SIM2: variants seen among roughly 807,000 people sequenced by gnomAD.
SIM2 encodes SIM bHLH transcription factor 2, also known as single-minded homolog 2.
A neutral mutation model predicts 64.8 loss-of-function variants in SIM2; 28 were observed. The ratio of observed to expected loss-of-function variants is 0.43; its 90% CI spans 0.32 to 0.59. The LOEUF (loss-of-function observed/expected upper bound fraction) is 0.59, where lower values mean the gene tolerates loss of function less well. Ranked by LOEUF, SIM2 falls within the 20% of genes least tolerant of loss-of-function variation. SIM2 has a pLI of 0.07. For synonymous variants in SIM2, 408 were observed against 391.1 expected, an observed-to-expected ratio of 1.04 and a Z score of -0.51; for missense variants, 847 against 871.4, an observed-to-expected ratio of 0.97 and a Z score of 0.35.
At chr21:36,741,259 C>G (rs1449533699) in intron 7 of SIM2, among the ~76,000 whole-genome samples, 1 of 152,268 alleles carries the variant, frequency 6.6e-6, no homozygotes, top group Non-Finnish European at 1.5e-5. Flanking sequence ...CAGCAAACAT[C>G]AGCAACAGCT....
chr21:36,722,815 G>A (rs766134525), intron 4 of SIM2, among the ~76,000 whole-genome samples: 7 of 152,134 alleles, frequency 4.6e-5, no homozygotes, highest in Non-Finnish European at 7.4e-5. Flanking sequence ...GGGTGGCCTC[G>A]TTTGGCTGCC....
At chr21:36,700,312 CTTTCTCTT>C (rs1234240920) in intron 1 of SIM2, among the ~76,000 whole-genome samples, 2 of 148,236 alleles carry the variant, frequency 1.3e-5, no homozygotes, top group African/African-American at 5.2e-5. Flanking sequence ...TTCTTTCTTT[CTTTCTCTT>C]TCTTTTTCTT....
chr21:36,748,986 T>C lies in SIM2; in HGVS notation c.*894T>C, dbSNP rs749779346. On this transcript the variant is annotated 3_prime_UTR_variant, in exon 11 of 11. Coordinates refer to ENST00000290399, the MANE Select transcript of SIM2 (RefSeq NM_005069.6). ...AGTGCTAATAAAGTTAAATTGCACG[T>C]GCAATACGGAACACTGTCAATGGAC... The C allele has an allele frequency of 5.9e-5, 9 of 152,642 alleles. No homozygotes were observed. The highest frequency in any genetic ancestry group is 7.3e-5 in the Non-Finnish European group (5 of 68,056). 9.5% of individuals were successfully genotyped at this position (152,642 alleles called of 1,614,324 possible). A position where few individuals can be genotyped will look rare whatever the true frequency, so the allele number is the denominator to read the frequency against.
chr21:36,704,629 G>A (rs1371445743), intron 1 of SIM2, among the ~76,000 whole-genome samples: 2 of 152,196 alleles, frequency 1.3e-5, no homozygotes, highest in South Asian at 2.1e-4. Context: ...GAGCCTCCGG[G>A]CGGCTGTGGG....
At chr21:36,740,171 T>C (rs1360419326) in intron 7 of SIM2, among the ~76,000 whole-genome samples, 1 of 151,992 alleles carries the variant, frequency 6.6e-6, no homozygotes, top group African/African-American at 2.4e-5. Context: ...TTTAGTTATA[T>C]TCACAGTGTT....
intron 7 of SIM2, 116 bp from the exon 8 acceptor site, chr21:36,741,601 G>GC (rs2089159243): frequency 3.3e-6 from 4 of 1,205,070 alleles, no homozygotes; most frequent in Non-Finnish European, 4.7e-6. Flanking sequence ...GAGAAAGCCC[G>GC]CCCCCTTTGT....
intron 6 of SIM2, among the ~76,000 whole-genome samples, chr21:36,728,028 C>T (rs1166676212): frequency 2.0e-5 from 3 of 152,120 alleles, no homozygotes; most frequent in Non-Finnish European, 4.4e-5. Flanking sequence ...GGGAAAGCTG[C>T]CAGCACCTCT....
intron 7 of SIM2, among the ~76,000 whole-genome samples, chr21:36,731,387 G>C (rs762475183): frequency 1.2e-4 from 18 of 152,306 alleles, no homozygotes; most frequent in Middle Eastern, 3.4e-3. Context: ...GTAGGATCAG[G>C]AAGTTGCCTG....
chr21:36,709,339 G>A (rs912834535), intron 2 of SIM2, 89 bp downstream of exon 2: 7 of 1,113,358 alleles, frequency 6.3e-6, no homozygotes, highest in Non-Finnish European at 9.2e-6. Context: ...CCTTCCCCAG[G>A]AGCGCCAGGC....
chr21:36,703,222 G>A (rs1224564678), intron 1 of SIM2, among the ~76,000 whole-genome samples: 1 of 152,162 alleles, frequency 6.6e-6, no homozygotes, highest in African/African-American at 2.4e-5. Flanking sequence ...CAAGGCAGAG[G>A]GAGACCACCA....
chr21:36,709,264 GC>G lies in SIM2; in HGVS notation c.258+16del. On this transcript the variant is annotated intron_variant, in intron 2 of 10. Transcript: ENST00000290399. ...CACTTGCTGCAGGTAGAGCGGCCTCGCCGGGGGAGGAGCGCAGCCGCCGCAG... is the reference window on the plus strand; with the variant it reads ...CACTTGCTGCAGGTAGAGCGGCCTCGCGGGGGAGGAGCGCAGCCGCCGCAG... 6.3e-7 allele frequency: 1 copy of G among 1,579,238 alleles called. No homozygotes were observed. Among genetic ancestry groups the G allele is most frequent in the Admixed American group, 1.8e-5 (1 of 54,628 alleles).
rs2089275067 is a variant in SIM2 at position 36,748,774 on chromosome 21, C to G, written c.*682C>G. 6.5e-6 allele frequency: 1 copy of G among 152,700 alleles called. No homozygotes were observed. Among genetic ancestry groups the G allele is most frequent in the Middle Eastern group, 3.4e-3 (1 of 294 alleles). The allele number at this position is 152,700 out of a possible 1,614,324, so 9.5% of individuals were successfully genotyped here. On this transcript the variant is annotated 3_prime_UTR_variant, in exon 11 of 11. Transcript: ENST00000290399. ...TTAACAAGCTCTTACTTCCCCCTAA[C>G]CCCTATGAACTCTTGATAACACCAA...
In SIM2 at chr21:36,709,176, G is replaced by C; in HGVS notation, c.184G>C (p.Asp62His). The C allele has an allele frequency of 5.6e-6, 9 of 1,609,028 alleles. No individual in the cohort carries two copies. Among genetic ancestry groups the C allele is most frequent in the Non-Finnish European group, 7.6e-6 (9 of 1,178,366 alleles). ...MRAVFPEGLG[D>H]AWGQPSRAGP... The stretch of plus-strand genomic sequence containing the variant: ...TTTCGTCCCTCGTCCAGGTTTAGGA[G>C]ACGCGTGGGGACAGCCGAGCCGCGC... The change falls in exon 2 of 11, where the codon GAC (aspartate) becomes CAC (histidine). Residue 62 changes from aspartate (D) to histidine (H), a missense_variant. Physicochemically the swap from Asp to His is moderately conservative, Grantham distance 81. Transcript: ENST00000290399.
intron 1 of SIM2, among the ~76,000 whole-genome samples, chr21:36,702,687 G>T (rs983947034): frequency 6.6e-6 from 1 of 152,174 alleles, no homozygotes; most frequent in African/African-American, 2.4e-5. Context: ...GGGGACCTGG[G>T]TCTGCGAGGG....
intron 9 of SIM2, among the ~76,000 whole-genome samples, 175 bp downstream of exon 9, chr21:36,743,730 G>A (rs1291121721): frequency 2.0e-5 from 3 of 152,144 alleles, no homozygotes; most frequent in African/African-American, 7.2e-5. Context: ...GGGGAAGGCC[G>A]ACATCCCGGT....
At chr21:36,740,011 G>GAAAC (rs1041193961) in intron 7 of SIM2, among the ~76,000 whole-genome samples, 7 of 20,168 alleles carry the variant, frequency 3.5e-4, no homozygotes, top group Non-Finnish European at 3.5e-3. Flanking sequence ...AAGAAAGAGA[G>GAAAC]AAAGAAAGAA....
At chr21:36,711,123 C>T (rs2088669990) in intron 2 of SIM2, among the ~76,000 whole-genome samples, 1 of 152,122 alleles carries the variant, frequency 6.6e-6, no homozygotes, top group South Asian at 2.1e-4. Flanking sequence ...CCAACATTTT[C>T]CATTAAGAAT....
At chr21:36,744,706 A>T in intron 9 of SIM2, 22 bp from the exon 10 acceptor site, 1 of 1,561,862 alleles carries the variant, frequency 6.4e-7, no homozygotes. Flanking sequence ...CTGGCCCTTC[A>T]TCCATCTTCT....
At chr21:36,739,007 G>A (rs547718870) in intron 7 of SIM2, among the ~76,000 whole-genome samples, 1 of 152,262 alleles carries the variant, frequency 6.6e-6, no homozygotes, top group East Asian at 1.9e-4. Context: ...GATGGAGACT[G>A]GATTCCTGCC....
Sources: gnomAD v4.1 joint callset for allele counts (sites outside exome capture counted in the v4.1 genomes callset) on GRCh38, gnomAD v4.1.1 for gene constraint, MANE v1.5 for transcripts, NCBI Gene and HGNC (gene_info 2026-07-23, HGNC 2026-07-21) for gene names.